G3BP2: variants seen among roughly 807,000 people sequenced by gnomAD.
The protein encoded by G3BP2 is G3BP stress granule assembly factor 2.
Under a neutral mutation model 56.7 loss-of-function variants are expected in G3BP2, and 11 were observed. The ratio of observed to expected loss-of-function variants is 0.19; its 90% CI spans 0.12 to 0.32. G3BP2 has a LOEUF of 0.32. G3BP2 is among the 10% of genes least tolerant of loss of function. G3BP2 has a pLI of 1.00. For missense variants in G3BP2, 340 were observed against 610.9 expected (o/e 0.56, Z 4.67); for synonymous variants, 165 against 191.6 (o/e 0.86, Z 1.15).
chr4:75,653,811 T>C (rs982353825), intron 8 of G3BP2, among the ~76,000 whole-genome samples, 172 bp downstream of exon 8: 23 of 152,140 alleles, frequency 1.5e-4, no homozygotes, highest in Admixed American at 9.2e-4. Flanking sequence ...ATACCACCTA[T>C]GTAGATGATG....
chr4:75,696,265 T>A (rs1577883773), intron 3 of G3BP2, among the ~76,000 whole-genome samples: 1 of 152,072 alleles, frequency 6.6e-6, no homozygotes, highest in Admixed American at 6.5e-5. Flanking sequence ...GGTAGTGAGG[T>A]TTGAGCTGTG....
chr4:75,661,095 C>T (rs1732513307), intron 2 of G3BP2, among the ~76,000 whole-genome samples: 1 of 152,180 alleles, frequency 6.6e-6, no homozygotes, highest in Non-Finnish European at 1.5e-5. Context: ...CTGTTGATTT[C>T]AAATTGCATA....
At chr4:75,659,026 A>T (rs1732339014) in intron 2 of G3BP2, 102 bp from the exon 3 acceptor site, 1 of 872,756 alleles carries the variant, frequency 1.1e-6, no homozygotes, top group African/African-American at 1.7e-5. Context: ...CTCTGTCACT[A>T]ATTAGTTGCG....
chr4:75,668,941 C>T (rs2149033181), intron 1 of G3BP2, among the ~76,000 whole-genome samples: 1 of 152,204 alleles, frequency 6.6e-6, no homozygotes, highest in Non-Finnish European at 1.5e-5. Context: ...ATCTTCTATT[C>T]CCCTCTCAAA....
chr4:75,673,211 C>G lies in G3BP2; in HGVS notation c.-28G>C, dbSNP rs1733649192. 5.8e-6 allele frequency: 7 copies of G among 1,208,726 alleles called. No individual in the cohort carries two copies. Among genetic ancestry groups the G allele is most frequent in the African/African-American group, 1.6e-5 (1 of 63,928 alleles). The allele number at this position is 1,208,726 out of a possible 1,614,324, so 74.9% of individuals were successfully genotyped here. On this transcript the variant is annotated 5_prime_UTR_variant, in exon 1 of 12. Coordinates refer to ENST00000359707, the MANE Select transcript of G3BP2 (RefSeq NM_203505.3). ...CCCTCCCGGCGCCCGTACACACCTC[C>G]AGCCAACGGCGGCGGCGGGTACGTC...
chr4:75,673,596 G>A (rs754917811), upstream of G3BP2: 20 of 1,231,612 alleles, frequency 1.6e-5, no homozygotes, highest in South Asian at 1.2e-4. Context: ...CCGGAAAGCC[G>A]GGGAACCGGA....
chr4:75,704,042 CAG>C (rs1719448850), intron 3 of G3BP2, among the ~76,000 whole-genome samples: 2 of 142,814 alleles, frequency 1.4e-5, no homozygotes, highest in African/African-American at 5.2e-5. Context: ...TTTTTTGAGA[CAG>C]AGTCTCGCTC....
intron 3 of G3BP2, among the ~76,000 whole-genome samples, chr4:75,709,836 A>C (rs17000766): frequency 0.16 from 22,957 of 146,768 alleles, 2,407 homozygotes; most frequent in African/African-American, 0.31. Flanking sequence ...CACCCAGCTC[A>C]AATAATGCAG....
chr4:75,703,435 C>T (rs1719423333), intron 3 of G3BP2, among the ~76,000 whole-genome samples: 1 of 152,186 alleles, frequency 6.6e-6, no homozygotes, highest in African/African-American at 2.4e-5. Flanking sequence ...TACTGGTTTC[C>T]CCCAACCCCT....
At chr4:75,657,329 G>C (rs918471748) in intron 4 of G3BP2, among the ~76,000 whole-genome samples, 1 of 152,066 alleles carries the variant, frequency 6.6e-6, no homozygotes, top group African/African-American at 2.4e-5. Context: ...TATATTTTTT[G>C]TATTAATGTA....
chr4:75,654,028 A>G lies in G3BP2; in HGVS notation c.780T>C (p.Val260=). Reference sequence around the variant, plus strand: ...CATGGGGTGGAATTCCAGAGGAAGAAACAGTACCACTAGGAGGCAGGTTTT... The same window carrying G: ...CATGGGGTGGAATTCCAGAGGAAGAGACAGTACCACTAGGAGGCAGGTTTT... The part of the protein sequence containing the change: ...TSKNLPPSGT[V]SSSGIPPHVK... The change falls in exon 8 of 12, where the codon GTT becomes GTC. Residue 260 remains valine (V), a synonymous_variant. Coordinates refer to ENST00000359707, the MANE Select transcript of G3BP2 (RefSeq NM_203505.3). 1.2e-6 allele frequency: 2 copies of G among 1,601,492 alleles called. No homozygotes were observed. Among genetic ancestry groups the G allele is most frequent in the South Asian group, 2.2e-5 (2 of 90,746 alleles).
chr4:75,714,631 A>G (rs184939384), intron 3 of G3BP2, among the ~76,000 whole-genome samples: 220 of 152,206 alleles, frequency 1.4e-3, no homozygotes, highest in Non-Finnish European at 2.5e-3. Flanking sequence ...TCCATGTCAG[A>G]AAAAAAAGAA....
chr4:75,701,516 C>T (rs957543186), intron 3 of G3BP2, among the ~76,000 whole-genome samples: 3 of 151,680 alleles, frequency 2.0e-5, no homozygotes, highest in African/African-American at 4.8e-5. Context: ...GCAACCTCCG[C>T]CTCCCAGGTT....
At chr4:75,723,272 T>C (rs2149127670) in intron 1 of G3BP2, among the ~76,000 whole-genome samples, 1 of 152,308 alleles carries the variant, frequency 6.6e-6, no homozygotes, top group African/African-American at 2.4e-5. Context: ...TTGCACTTTA[T>C]TCTGGACAGA....
chr4:75,645,708 T>C lies in G3BP2; in HGVS notation c.1177-6A>G. ...TCCCCTCGAAACATAATCGGCTTTA[T>C]AAAAGAGAAGAAAAATATTTACATG... On this transcript the variant is annotated splice_region_variant and splice_polypyrimidine_tract_variant and intron_variant, in intron 11 of 11. Coordinates refer to ENST00000359707, the MANE Select transcript of G3BP2 (RefSeq NM_203505.3). 1 of 1,612,084 alleles carries C rather than the reference T, an allele frequency of 6.2e-7. No homozygotes were observed.
chr4:75,666,557 A>C (rs1045268045), intron 1 of G3BP2, among the ~76,000 whole-genome samples: 2 of 152,242 alleles, frequency 1.3e-5, no homozygotes, highest in Non-Finnish European at 2.9e-5. Flanking sequence ...GATAGAAATC[A>C]ACCAGAAAAT....
chr4:75,672,926 A>G, intron 1 of G3BP2: 1 of 853,058 alleles, frequency 1.2e-6, no homozygotes, highest in Non-Finnish European at 1.4e-6. Context: ...CCTCATCCCC[A>G]ATAAACCTCA....
At chr4:75,682,199 G>A (rs1251348295) in intron 3 of G3BP2, among the ~76,000 whole-genome samples, 2 of 152,030 alleles carry the variant, frequency 1.3e-5, no homozygotes, top group African/African-American at 2.4e-5. Flanking sequence ...GGCGGATCAC[G>A]AGGTCAAGAG....
intron 3 of G3BP2, among the ~76,000 whole-genome samples, chr4:75,692,088 T>C (rs184832257): frequency 7.2e-5 from 11 of 152,300 alleles, no homozygotes; most frequent in Admixed American, 6.5e-4. Context: ...CCTTTCCTTT[T>C]GTCTTTCCCT....
Sources: gnomAD v4.1 joint callset for allele counts (sites outside exome capture counted in the v4.1 genomes callset) on GRCh38, gnomAD v4.1.1 for gene constraint, MANE v1.5 for transcripts, NCBI Gene and HGNC (gene_info 2026-07-23, HGNC 2026-07-21) for gene names.